The following PTPRD variants were observed in gnomAD, a reference collection of about 807,000 sequenced individuals.
PTPRD encodes the protein protein tyrosine phosphatase receptor type D.
Under a neutral mutation model 214.5 loss-of-function variants are expected in PTPRD, and 34 were observed. That is an observed-to-expected ratio of 0.16 (90% CI 0.12 to 0.21). The LOEUF is 0.21. Ranked by LOEUF, PTPRD falls within the 10% of genes least tolerant of loss-of-function variation. The pLI is 1.00. For synonymous variants in PTPRD, 1,128 were observed against 845.7 expected (o/e 1.33, Z -5.79); for missense variants, 2,545 against 2,398.7 (o/e 1.06, Z -1.27).
intron 5 of PTPRD, among the ~76,000 whole-genome samples, chr9:9,889,940 A>C (rs1041713412): frequency 3.9e-5 from 6 of 152,010 alleles, no homozygotes; most frequent in Non-Finnish European, 5.9e-5. Flanking sequence ...AGAACGGCAG[A>C]GGGTGAATTA....
intron 3 of PTPRD, among the ~76,000 whole-genome samples, chr9:10,288,775 G>T (rs895386924): frequency 1.3e-5 from 2 of 151,734 alleles, no homozygotes; most frequent in Non-Finnish European, 2.9e-5. Context: ...TATAGACATG[G>T]CAAGAGCCCA....
intron 8 of PTPRD, among the ~76,000 whole-genome samples, chr9:9,541,708 G>A (rs890170452): frequency 2.6e-5 from 4 of 151,864 alleles, no homozygotes; most frequent in Non-Finnish European, 5.9e-5. Flanking sequence ...AAAGTGGTAT[G>A]CTGATGGCTA....
intron 11 of PTPRD, among the ~76,000 whole-genome samples, chr9:8,789,891 G>C (rs1398774294): frequency 6.6e-6 from 1 of 152,156 alleles, no homozygotes; most frequent in Non-Finnish European, 1.5e-5. Flanking sequence ...CTGGAGGGTA[G>C]AAAGCAGTTC....
intron 9 of PTPRD, among the ~76,000 whole-genome samples, chr9:9,351,150 T>C (rs958150700): frequency 6.6e-6 from 1 of 152,066 alleles, no homozygotes; most frequent in Non-Finnish European, 1.5e-5. Flanking sequence ...GAGCTTTTCT[T>C]AGAAGGGCTG....
chr9:9,873,347 A>T (rs980500897), intron 5 of PTPRD, among the ~76,000 whole-genome samples: 1 of 152,174 alleles, frequency 6.6e-6, no homozygotes, highest in Non-Finnish European at 1.5e-5. Context: ...TCAAAGGAAT[A>T]ATTAAGAATG....
chr9:10,504,617 G>T (rs1012111299), intron 2 of PTPRD, among the ~76,000 whole-genome samples: 5 of 152,044 alleles, frequency 3.3e-5, no homozygotes, highest in Non-Finnish European at 7.4e-5. Context: ...CAACTCTTCC[G>T]AATTCGTCAA....
intron 11 of PTPRD, among the ~76,000 whole-genome samples, chr9:8,996,751 C>T (rs1472338479): frequency 1.3e-5 from 2 of 152,060 alleles, no homozygotes; most frequent in East Asian, 1.9e-4. Flanking sequence ...TTTAGCCAAA[C>T]AGGCTGAGCC....
intron 7 of PTPRD, among the ~76,000 whole-genome samples, chr9:9,600,369 C>T (rs914733787): frequency 2.0e-5 from 3 of 151,854 alleles, no homozygotes; most frequent in African/African-American, 7.3e-5. Context: ...AATTATTTTC[C>T]TCTGAGGATA....
intron 10 of PTPRD, among the ~76,000 whole-genome samples, chr9:9,164,784 G>A (rs949389659): frequency 3.3e-5 from 5 of 151,886 alleles, no homozygotes; most frequent in South Asian, 2.1e-4. Context: ...AGGCTGAGGC[G>A]GGTGGATCTC....
intron 27 of PTPRD, among the ~76,000 whole-genome samples, chr9:8,492,294 T>C (rs1407368104): frequency 6.6e-6 from 1 of 152,156 alleles, no homozygotes; most frequent in Non-Finnish European, 1.5e-5. Flanking sequence ...GTTGACATTG[T>C]TGCTTGACTT....
intron 2 of PTPRD, among the ~76,000 whole-genome samples, chr9:10,482,273 A>G (rs919537278): frequency 2.0e-5 from 3 of 152,012 alleles, no homozygotes; most frequent in Non-Finnish European, 4.4e-5. Context: ...GAGGAGGCTG[A>G]GGCAGGAGAA....
chr9:10,325,810 TA>T (rs1324576070), intron 3 of PTPRD, among the ~76,000 whole-genome samples: 1 of 151,914 alleles, frequency 6.6e-6, no homozygotes, highest in Non-Finnish European at 1.5e-5. Flanking sequence ...TTGCCTGGGT[TA>T]AAAATTGATT....
chr9:9,513,933 G>C (rs1361126401), intron 8 of PTPRD, among the ~76,000 whole-genome samples: 1 of 152,008 alleles, frequency 6.6e-6, no homozygotes, highest in Non-Finnish European at 1.5e-5. Context: ...TGTGAATAAG[G>C]CTGTTAAGAT....
At chr9:9,486,330 C>T (rs1280328510) in intron 8 of PTPRD, among the ~76,000 whole-genome samples, 1 of 151,958 alleles carries the variant, frequency 6.6e-6, no homozygotes, top group Non-Finnish European at 1.5e-5. Flanking sequence ...GTCTCTTTTC[C>T]ACCCCATCAC....
In PTPRD at chr9:10,438,008, C is replaced by CATATATATATAT. The variant is rs71485332; in HGVS notation, c.-599-97003_-599-96992dup. ...CTGGACTATCAGCTCCCTAAGTCTA[C>CATATATATATAT]ATATATATATATATATATATAGTGA... On this transcript the variant is annotated intron_variant, in intron 2 of 45. Coordinates refer to ENST00000381196, the MANE Select transcript of PTPRD (RefSeq NM_002839.4). Among the ~76,000 whole-genome samples the CATATATATATAT allele has an allele frequency of 2.6e-4, 33 of 125,146 alleles. 2 individuals are homozygous for CATATATATATAT. Among genetic ancestry groups the CATATATATATAT allele is most frequent in the African/African-American group, 1.2e-3 (31 of 25,992 alleles). 82.1% of individuals were successfully genotyped at this position (125,146 alleles called of 152,430 possible).
intron 8 of PTPRD, among the ~76,000 whole-genome samples, chr9:9,412,994 C>CA (rs1481009763): frequency 6.6e-6 from 1 of 151,300 alleles, no homozygotes; most frequent in Non-Finnish European, 1.5e-5. Context: ...TATTATACCA[C>CA]AATGCATCAG....
chr9:10,122,969 G>A (rs898068726), intron 3 of PTPRD, among the ~76,000 whole-genome samples: 3 of 152,194 alleles, frequency 2.0e-5, no homozygotes, highest in Admixed American at 1.3e-4. Context: ...TAAGCGGCCC[G>A]CTTGTTAACA....
chr9:8,406,018 A>G (rs1032144952), intron 35 of PTPRD, among the ~76,000 whole-genome samples: 6 of 152,296 alleles, frequency 3.9e-5, no homozygotes, highest in Admixed American at 6.5e-5. Context: ...TCCAGCCTCT[A>G]ATTTACTAAG....
At chr9:9,172,327 T>C (rs2099921966) in intron 10 of PTPRD, among the ~76,000 whole-genome samples, 1 of 152,094 alleles carries the variant, frequency 6.6e-6, no homozygotes, top group Non-Finnish European at 1.5e-5. Context: ...AACATAGTAA[T>C]AAAGTCAACA....
Sources: gnomAD v4.1 joint callset for allele counts (sites outside exome capture counted in the v4.1 genomes callset) on GRCh38, gnomAD v4.1.1 for gene constraint, MANE v1.5 for transcripts, NCBI Gene and HGNC (gene_info 2026-07-23, HGNC 2026-07-21) for gene names.